The following ITGA9 variants were observed in gnomAD, a reference collection of about 807,000 sequenced individuals.
ITGA9 encodes integrin subunit alpha 9.
In ITGA9, 56 loss-of-function variants were observed where a neutral mutation model predicts 127.8. The ratio of observed to expected loss-of-function variants is 0.44; its 90% CI spans 0.35 to 0.55. ITGA9 has a LOEUF of 0.55. Ranked by LOEUF, ITGA9 falls within the 20% of genes least tolerant of loss-of-function variation. The pLI, the probability that ITGA9 is intolerant of heterozygous loss-of-function variation, is 0.00. For synonymous variants in ITGA9, 508 were observed against 514.5 expected (o/e 0.99, Z 0.17); for missense variants, 1,196 against 1,347.1 (o/e 0.89, Z 1.76).
At chr3:37,695,378 G>A (rs1700874681) in intron 18 of ITGA9, among the ~76,000 whole-genome samples, 1 of 152,138 alleles carries the variant, frequency 6.6e-6, no homozygotes. Context: ...CCTTCAACTG[G>A]TTTCCTTCTT....
intron 1 of ITGA9, among the ~76,000 whole-genome samples, chr3:37,457,638 T>A (rs138229066): frequency 8.4e-4 from 128 of 152,338 alleles, no homozygotes; most frequent in Admixed American, 2.5e-3. Flanking sequence ...TTCCTGGTCC[T>A]CACTCACCCT....
At chr3:37,603,021 G>A (rs1474177626) in intron 15 of ITGA9, among the ~76,000 whole-genome samples, 1 of 152,170 alleles carries the variant, frequency 6.6e-6, no homozygotes, top group Non-Finnish European at 1.5e-5. Context: ...GTCTTGCTCT[G>A]GACCCATGAT....
chr3:37,617,841 G>C (rs1700090174), intron 15 of ITGA9, among the ~76,000 whole-genome samples: 1 of 152,066 alleles, frequency 6.6e-6, no homozygotes, highest in African/African-American at 2.4e-5. Context: ...TCTCTGCATT[G>C]GTTATTCTAG....
chr3:37,702,449 G>A (rs991443361), intron 18 of ITGA9, among the ~76,000 whole-genome samples: 6 of 152,194 alleles, frequency 3.9e-5, no homozygotes, highest in Non-Finnish European at 8.8e-5. Context: ...GCTGTGTATT[G>A]AGAGGTCTTC....
intron 18 of ITGA9, among the ~76,000 whole-genome samples, chr3:37,712,508 T>G (rs1472277552): frequency 6.6e-6 from 1 of 152,190 alleles, no homozygotes; most frequent in Admixed American, 6.5e-5. Flanking sequence ...ATAGAAAACC[T>G]AAATTGGTGT....
chr3:37,508,922 G>A (rs1442797642), intron 8 of ITGA9, among the ~76,000 whole-genome samples: 1 of 152,188 alleles, frequency 6.6e-6, no homozygotes, highest in African/African-American at 2.4e-5. Context: ...GTGACTGCAT[G>A]CCCTGTCTCT....
chr3:37,523,395 C>CTTTTTTTTTTTT, intron 11 of ITGA9, 126 bp from the exon 12 acceptor site: 1 of 582,398 alleles, frequency 1.7e-6, no homozygotes, highest in Non-Finnish European at 3.1e-6. Context: ...ATTAGGATTA[C>CTTTTTTTTTTTT]TTTTTTTTTT....
Position 37,496,499 on chromosome 3 carries a change from C to A in ITGA9, c.612+1931C>A, listed in dbSNP as rs1483556854. On this transcript the variant is annotated intron_variant, in intron 5 of 27. Coordinates refer to ENST00000264741, the MANE Select transcript of ITGA9 (RefSeq NM_002207.3). The stretch of plus-strand genomic sequence containing the variant: ...CATTGCCCTCCACATCCTCTGCCAC[C>A]CTACAAATCTAAGCCATAGTTGTCT... Among the ~76,000 whole-genome samples, 13 of 152,202 alleles carry A rather than the reference C, an allele frequency of 8.5e-5. 1 individual carries two copies. The highest frequency in any genetic ancestry group is 7.2e-4 in the Admixed American group (11 of 15,280).
At chr3:37,564,687 C>A (rs1699527975) in intron 15 of ITGA9, among the ~76,000 whole-genome samples, 1 of 152,170 alleles carries the variant, frequency 6.6e-6, no homozygotes, top group African/African-American at 2.4e-5. Flanking sequence ...TATACTTGCC[C>A]CTTTAATTCA....
chr3:37,749,801 C>T (rs1053221866), intron 22 of ITGA9: 2 of 153,724 alleles, frequency 1.3e-5, no homozygotes, highest in Non-Finnish European at 2.9e-5. Flanking sequence ...TCAGCTGGCT[C>T]ATGTAGTAAA....
chr3:37,640,540 C>T (rs1559555890), intron 16 of ITGA9, among the ~76,000 whole-genome samples: 1 of 152,182 alleles, frequency 6.6e-6, no homozygotes, highest in East Asian at 1.9e-4. Flanking sequence ...CCAGCTGACA[C>T]CTTGATTTCG....
intron 15 of ITGA9, among the ~76,000 whole-genome samples, chr3:37,625,392 G>A (rs997628603): frequency 3.9e-5 from 6 of 152,206 alleles, no homozygotes; most frequent in African/African-American, 1.4e-4. Flanking sequence ...TGGAGCATAT[G>A]TTAAGTTCCC....
intron 5 of ITGA9, among the ~76,000 whole-genome samples, chr3:37,499,047 G>A (rs1464072189): frequency 6.6e-6 from 1 of 152,216 alleles, no homozygotes; most frequent in Non-Finnish European, 1.5e-5. Context: ...TAAGGTGCCT[G>A]CTTGACCTAC....
intron 13 of ITGA9, among the ~76,000 whole-genome samples, chr3:37,529,501 C>G (rs1699127419): frequency 3.9e-5 from 6 of 152,184 alleles, no homozygotes; most frequent in Admixed American, 3.9e-4. Flanking sequence ...GACAGTGACT[C>G]TTGACTGCTT....
chr3:37,709,347 A>T (rs1470347250), intron 18 of ITGA9, among the ~76,000 whole-genome samples: 1 of 152,140 alleles, frequency 6.6e-6, no homozygotes, highest in East Asian at 1.9e-4. Flanking sequence ...AGGCTCTCTC[A>T]AGCATTCATC....
chr3:37,647,088 G>T (rs949872594), intron 16 of ITGA9, among the ~76,000 whole-genome samples: 5 of 152,046 alleles, frequency 3.3e-5, no homozygotes, highest in Admixed American at 6.6e-5. Context: ...TCCCCAGTGC[G>T]TGACTCAGGT....
chr3:37,782,434 A>G (rs1696985640), intron 25 of ITGA9, among the ~76,000 whole-genome samples: 1 of 151,300 alleles, frequency 6.6e-6, no homozygotes, highest in Non-Finnish European at 1.5e-5. Flanking sequence ...TACTGTCCCC[A>G]TGGGCCAGCC....
chr3:37,465,674 A>G (rs1410154644), intron 1 of ITGA9, among the ~76,000 whole-genome samples: 2 of 152,170 alleles, frequency 1.3e-5, no homozygotes, highest in Admixed American at 1.3e-4. Flanking sequence ...AAGCAAGGTG[A>G]TTGAAGTTCA....
chr3:37,515,354 G>A (rs2125578177), intron 9 of ITGA9, among the ~76,000 whole-genome samples: 1 of 152,312 alleles, frequency 6.6e-6, no homozygotes, highest in Admixed American at 6.5e-5. Context: ...TTGGGAGAGG[G>A]CAGAGGTTTA....
Sources: gnomAD v4.1 joint callset for allele counts (sites outside exome capture counted in the v4.1 genomes callset) on GRCh38, gnomAD v4.1.1 for gene constraint, MANE v1.5 for transcripts, NCBI Gene and HGNC (gene_info 2026-07-23, HGNC 2026-07-21) for gene names.